Variants in RERE observed in about 807,000 individuals in gnomAD.
The protein encoded by RERE is arginine-glutamic acid dipeptide repeats, also known as arginine-glutamic acid dipeptide repeats protein.
Under a neutral mutation model 146.1 loss-of-function variants are expected in RERE, and 40 were observed. The ratio of observed to expected loss-of-function variants is 0.27; its 90% CI spans 0.21 to 0.36. RERE has a LOEUF of 0.36. Among genes scored for constraint, RERE ranks in the 10% least tolerant of loss-of-function variants. The pLI is 1.00. For synonymous variants in RERE, 1,003 were observed against 866.0 expected (o/e 1.16, Z -2.78); for missense variants, 1,933 against 2,138.7 (o/e 0.90, Z 1.90).
At chr1:8,740,396 T>C (rs1161958705) in intron 1 of RERE, among the ~76,000 whole-genome samples, 1 of 152,234 alleles carries the variant, frequency 6.6e-6, no homozygotes, top group African/African-American at 2.4e-5. Context: ...TGAGTAAATG[T>C]GAAGGCCTAG....
intron 11 of RERE, among the ~76,000 whole-genome samples, chr1:8,458,953 C>T (rs747901502): frequency 6.6e-6 from 1 of 152,208 alleles, no homozygotes; most frequent in Non-Finnish European, 1.5e-5. Flanking sequence ...TTTAAAAATA[C>T]ATTTCTCTTT....
intron 10 of RERE, among the ~76,000 whole-genome samples, chr1:8,494,423 G>A (rs1645016658): frequency 6.6e-6 from 1 of 152,096 alleles, no homozygotes; most frequent in Non-Finnish European, 1.5e-5. Context: ...TGTCTAAAAA[G>A]GTGATAATAA....
intron 12 of RERE, among the ~76,000 whole-genome samples, chr1:8,386,022 A>ATTTTTTTTTTT (rs60050106): frequency 3.8e-5 from 1 of 26,636 alleles, no homozygotes; most frequent in Non-Finnish European, 6.0e-5. Flanking sequence ...ATATATATAT[A>ATTTTTTTTTTT]TTTTTTTTTT....
chr1:8,408,983 T>C (rs1570167722), intron 12 of RERE, among the ~76,000 whole-genome samples: 1 of 152,140 alleles, frequency 6.6e-6, no homozygotes, highest in African/African-American at 2.4e-5. Flanking sequence ...GAGAATGGTA[T>C]CAGAAAGGAA....
At chr1:8,786,066 G>T in intron 1 of RERE, 1 of 409,278 alleles carries the variant, frequency 2.4e-6, no homozygotes, top group Non-Finnish European at 4.6e-6. Context: ...TGCAGAGTCT[G>T]GCCACACTCC....
At position 8,360,423 on chromosome 1, in the gene RERE, C is replaced by A; in HGVS notation, c.3084G>T (p.Val1028=). The A allele has an allele frequency of 8.0e-7, 1 of 1,254,116 alleles. No homozygotes were observed. The highest frequency in any genetic ancestry group is 4.1e-5 in the Admixed American group (1 of 24,686). The allele number at this position is 1,254,116 out of a possible 1,614,324, so 77.7% of individuals were successfully genotyped here. A position where few individuals can be genotyped will look rare whatever the true frequency, so the allele number is the denominator to read the frequency against. The change falls in exon 18 of 23, where the codon GTG becomes GTT. Residue 1028 remains valine, a synonymous_variant. Coordinates refer to ENST00000400908, the MANE Select transcript of RERE (RefSeq NM_001042681.2). ...ASHPPTGLHQ[V]APQPPFAQHP... The stretch of plus-strand genomic sequence containing the variant: ...GCTGAGCAAACGGGGGTTGGGGGGC[C>A]ACCTGGTGGAGGCCTGTAGGGGGGT...
intron 11 of RERE, among the ~76,000 whole-genome samples, chr1:8,436,908 T>C (rs1644177375): frequency 6.6e-6 from 1 of 152,192 alleles, no homozygotes; most frequent in Non-Finnish European, 1.5e-5. Flanking sequence ...AAGAGACCAG[T>C]GGTTACCACA....
intron 3 of RERE, among the ~76,000 whole-genome samples, chr1:8,623,423 C>G (rs1408168835): frequency 2.0e-5 from 3 of 152,178 alleles, no homozygotes; most frequent in African/African-American, 7.2e-5. Flanking sequence ...TGCACTCCAG[C>G]CTGGGTGACA....
intron 1 of RERE, among the ~76,000 whole-genome samples, chr1:8,782,837 T>C (rs977709251): frequency 1.3e-5 from 2 of 151,866 alleles, no homozygotes; most frequent in African/African-American, 4.8e-5. Flanking sequence ...ACCCGGGAGG[T>C]GGAGGGTGAA....
chr1:8,519,923 A>T (rs549493466), intron 7 of RERE: 3 of 152,338 alleles, frequency 2.0e-5, no homozygotes, highest in Admixed American at 2.0e-4. Context: ...GCTTAGCCAC[A>T]GACAGCAAGC....
intron 2 of RERE, among the ~76,000 whole-genome samples, chr1:8,637,454 T>C (rs928724383): frequency 7.2e-5 from 11 of 152,186 alleles, no homozygotes; most frequent in African/African-American, 2.4e-4. Context: ...CACAAAAATA[T>C]AGGGACTACC....
chr1:8,521,565 A>G (rs1645501471), intron 7 of RERE, among the ~76,000 whole-genome samples: 1 of 152,198 alleles, frequency 6.6e-6, no homozygotes, highest in East Asian at 1.9e-4. Context: ...TTGACCTGCG[A>G]ATTAATAACA....
intron 11 of RERE, among the ~76,000 whole-genome samples, chr1:8,436,402 C>T (rs1396701435): frequency 6.6e-6 from 1 of 152,202 alleles, no homozygotes; most frequent in East Asian, 1.9e-4. Context: ...TCTCTCCCTA[C>T]AATATCACCC....
intron 1 of RERE, among the ~76,000 whole-genome samples, chr1:8,686,490 C>T (rs1249343941): frequency 6.6e-6 from 1 of 152,196 alleles, no homozygotes; most frequent in African/African-American, 2.4e-5. Context: ...TGGCTCATGC[C>T]TGTAATCCCA....
intron 2 of RERE, among the ~76,000 whole-genome samples, chr1:8,647,538 C>G (rs1441773943): frequency 6.6e-6 from 1 of 152,140 alleles, no homozygotes; most frequent in African/African-American, 2.4e-5. Context: ...TTCAAGAAGA[C>G]ACCTTCATTT....
At chr1:8,607,648 T>C (rs1180331745) in intron 4 of RERE, among the ~76,000 whole-genome samples, 3 of 143,218 alleles carry the variant, frequency 2.1e-5, no homozygotes, top group African/African-American at 7.7e-5. Flanking sequence ...TGAGTTCAAG[T>C]AATCCTCCTG....
At chr1:8,745,203 AG>A (rs1640395972) in intron 1 of RERE, among the ~76,000 whole-genome samples, 1 of 152,120 alleles carries the variant, frequency 6.6e-6, no homozygotes, top group Non-Finnish European at 1.5e-5. Flanking sequence ...GTGAGTGCTC[AG>A]GAGATCTGAG....
intron 1 of RERE, among the ~76,000 whole-genome samples, chr1:8,788,399 T>C (rs1164776115): frequency 6.0e-5 from 9 of 150,036 alleles, no homozygotes; most frequent in African/African-American, 2.2e-4. Context: ...AGTCTTCCTC[T>C]TGTTGCCCAG....
At chr1:8,732,749 T>C (rs1640113821) in intron 1 of RERE, among the ~76,000 whole-genome samples, 1 of 151,712 alleles carries the variant, frequency 6.6e-6, no homozygotes, top group South Asian at 2.1e-4. Flanking sequence ...TCTGTGTGTG[T>C]GTCTGTATAT....
Sources: allele counts gnomAD v4.1 joint callset (sites outside exome capture counted in the v4.1 genomes callset), GRCh38; gene constraint gnomAD v4.1.1; transcripts MANE v1.5; gene names NCBI Gene and HGNC (gene_info 2026-07-23, HGNC 2026-07-21).